HSPH1: variants seen among roughly 807,000 people sequenced by gnomAD.
HSPH1 encodes heat shock protein 105 kDa.
In HSPH1, 40 loss-of-function variants were observed where a neutral mutation model predicts 100.0. That is an observed-to-expected ratio of 0.40 (90% CI 0.31 to 0.52). The LOEUF is 0.52. Ranked by LOEUF, HSPH1 falls within the 20% of genes least tolerant of loss-of-function variation. HSPH1 has a pLI of 0.54. For synonymous variants in HSPH1, 403 were observed against 344.0 expected (o/e 1.17, Z -1.90); for missense variants, 876 against 1,015.1 (o/e 0.86, Z 1.86).
intron 2 of HSPH1, among the ~76,000 whole-genome samples, chr13:31,156,206 C>T (rs1360182286): frequency 2.0e-5 from 3 of 152,040 alleles, no homozygotes; most frequent in African/African-American, 4.8e-5. Context: ...CTGGCTAACA[C>T]GGTGAAACCC....
At chr13:31,162,029 T>C (rs748596719), upstream of HSPH1, 1 of 1,536,110 alleles carries the variant, frequency 6.5e-7, no homozygotes, top group South Asian at 1.2e-5. Flanking sequence ...TTCCTTCTTC[T>C]CGAGCCTTCT....
chr13:31,160,995 A>G (rs1379027047), intron 1 of HSPH1, among the ~76,000 whole-genome samples: 2 of 152,218 alleles, frequency 1.3e-5, no homozygotes, highest in Non-Finnish European at 2.9e-5. Context: ...TGCGGAAGAA[A>G]AAGGCCGGCA....
chr13:31,146,711 T>C lies in HSPH1; in HGVS notation c.1379-943A>G, dbSNP rs374872978. On this transcript the variant is annotated intron_variant, in intron 10 of 17. Coordinates refer to ENST00000320027, the MANE Select transcript of HSPH1 (RefSeq NM_006644.4). ...ACTGTCTGGGCTTGAATCCTGGCTGTGTGACCTGTTACAAAAGTTACCTTT... is the reference window on the plus strand; with the variant it reads ...ACTGTCTGGGCTTGAATCCTGGCTGCGTGACCTGTTACAAAAGTTACCTTT... Among the ~76,000 whole-genome samples, 3 of 152,172 alleles carry C rather than the reference T, an allele frequency of 2.0e-5. No individual in the cohort carries two copies. The East Asian group carries it at 5.8e-4, about 29-fold the overall frequency.
At chr13:31,140,688 G>C (rs1282290211) in intron 13 of HSPH1, 1 of 171,846 alleles carries the variant, frequency 5.8e-6, no homozygotes, top group African/African-American at 2.4e-5. Flanking sequence ...TTAAATCAAA[G>C]ATAAATAAAT....
chr13:31,156,242 T>C (rs997969639), intron 2 of HSPH1, among the ~76,000 whole-genome samples: 19 of 151,928 alleles, frequency 1.3e-4, no homozygotes, highest in African/African-American at 4.4e-4. Flanking sequence ...TACAAAAAAT[T>C]AGCCGGGCGT....
At chr13:31,154,860 T>A in intron 3 of HSPH1, 105 bp from the exon 4 acceptor site, 1 of 969,126 alleles carries the variant, frequency 1.0e-6, no homozygotes, top group Non-Finnish European at 1.5e-6. Flanking sequence ...AAAATCTTTA[T>A]TTTATTGTTG....
chr13:31,153,725 A>C (rs1230551628), intron 4 of HSPH1, among the ~76,000 whole-genome samples: 1 of 151,978 alleles, frequency 6.6e-6, no homozygotes, highest in Non-Finnish European at 1.5e-5. Context: ...ATATTTGTAG[A>C]TGCTTGAGAG....
intron 14 of HSPH1, 147 bp downstream of exon 14, chr13:31,140,037 C>G: frequency 1.4e-6 from 1 of 728,606 alleles, no homozygotes; most frequent in Non-Finnish European, 2.2e-6. Flanking sequence ...TGCTCATCAG[C>G]AACAAGCCTT....
At chr13:31,160,416 C>A (rs778666888) in intron 1 of HSPH1, among the ~76,000 whole-genome samples, 2 of 152,156 alleles carry the variant, frequency 1.3e-5, no homozygotes, top group African/African-American at 2.4e-5. Context: ...AATTGTATTA[C>A]CCCAGTCATT....
chr13:31,156,025 C>T (rs1956676260), intron 2 of HSPH1, among the ~76,000 whole-genome samples: 1 of 152,148 alleles, frequency 6.6e-6, no homozygotes, highest in African/African-American at 2.4e-5. Flanking sequence ...CCCTGCTAAA[C>T]TTGTGAGGTT....
chr13:31,153,545 A>G (rs1289225999), intron 4 of HSPH1, among the ~76,000 whole-genome samples: 1 of 152,230 alleles, frequency 6.6e-6, no homozygotes, highest in African/African-American at 2.4e-5. Context: ...GGTTTCTTAC[A>G]GCACTGACTT....
intron 8 of HSPH1, 109 bp from the exon 9 acceptor site, chr13:31,148,589 A>C (rs1956361108): frequency 2.5e-6 from 1 of 396,904 alleles, no homozygotes; most frequent in Non-Finnish European, 4.5e-6. Context: ...AAAAAAAAAA[A>C]ACAACTCACA....
intron 4 of HSPH1, 66 bp downstream of exon 4, chr13:31,154,567 A>C: frequency 6.4e-7 from 1 of 1,574,050 alleles, no homozygotes. Flanking sequence ...CACATTTCAT[A>C]CTTAAAAGTA....
Position 31,136,951 on chromosome 13 carries a change from G to A in HSPH1, c.*367C>T. On this transcript the variant is annotated 3_prime_UTR_variant, in exon 18 of 18. Coordinates refer to ENST00000320027, the MANE Select transcript of HSPH1 (RefSeq NM_006644.4). ...ATGCTGAATGGAGAGCAAAATGCAA[G>A]AAAACTACCTTGGCAGGAACAAATG... is the stretch of plus-strand genomic sequence containing the variant. The A allele has an allele frequency of 3.1e-6, 1 of 319,756 alleles. No homozygotes were observed. Among genetic ancestry groups the A allele is most frequent in the South Asian group, 2.9e-5 (1 of 33,956 alleles). 19.8% of individuals were successfully genotyped at this position (319,756 alleles called of 1,614,324 possible). A position where few individuals can be genotyped will look rare whatever the true frequency, so the allele number is the denominator to read the frequency against.
chr13:31,160,419 C>G (rs1292037896), intron 1 of HSPH1, among the ~76,000 whole-genome samples: 1 of 152,172 alleles, frequency 6.6e-6, no homozygotes, highest in Non-Finnish European at 1.5e-5. Context: ...TGTATTACCC[C>G]AGTCATTCAT....
chr13:31,144,036 G>A, intron 11 of HSPH1, 113 bp from the exon 12 acceptor site: 1 of 872,950 alleles, frequency 1.1e-6, no homozygotes, highest in South Asian at 3.2e-5. Flanking sequence ...CTTAACAGGT[G>A]GGGAGAAAAG....
At position 31,155,582 on chromosome 13, in the gene HSPH1, T is replaced by G; in HGVS notation, c.238A>C (p.Ile80Leu). 6.2e-7 allele frequency: 1 copy of G among 1,611,742 alleles called. No homozygotes were observed. The change falls in exon 3 of 18, where the codon ATT (isoleucine) becomes CTT (leucine). Residue 80 changes from isoleucine to leucine, a missense_variant. Physicochemically the swap from Ile to Leu is conservative, Grantham distance 5. Transcript: ENST00000320027. ...FHGRAFNDPF[I>L]QKEKENLSYD... ...CTCAAGTTTTCCTTCTCCTTTTGAA[T>G]GAAGGGGTCATTGAATGCTCGGCCA...
chr13:31,157,959 A>T (rs1191870951), intron 2 of HSPH1, among the ~76,000 whole-genome samples: 1 of 152,224 alleles, frequency 6.6e-6, no homozygotes, highest in Non-Finnish European at 1.5e-5. Context: ...AAAGTAAAAA[A>T]TCTCATGTGT....
At chr13:31,143,665 A>G in intron 12 of HSPH1, 127 bp downstream of exon 12, 1 of 851,486 alleles carries the variant, frequency 1.2e-6, no homozygotes, top group Non-Finnish European at 1.7e-6. Flanking sequence ...ATAGAAAATC[A>G]ACAGAAAAAA....
Sources: allele counts gnomAD v4.1 joint callset (sites outside exome capture counted in the v4.1 genomes callset), GRCh38; gene constraint gnomAD v4.1.1; transcripts MANE v1.5; gene names NCBI Gene and HGNC (gene_info 2026-07-23, HGNC 2026-07-21).